Variants in AUH observed in about 807,000 individuals in gnomAD.
AUH encodes methylglutaconyl-CoA hydratase, mitochondrial.
In AUH, 29 loss-of-function variants were observed where a neutral mutation model predicts 42.3. That is an observed-to-expected ratio of 0.69 (90% CI 0.51 to 0.93). The LOEUF (loss-of-function observed/expected upper bound fraction) is 0.93. Among genes scored for constraint, AUH ranks in the 40% least tolerant of loss-of-function variants. AUH has a pLI of 0.00. For missense variants in AUH, 452 were observed against 438.1 expected (o/e 1.03, Z -0.28); for synonymous variants, 174 against 166.4 (o/e 1.05, Z -0.35).
chr9:91,281,883 C>T (rs986543690), intron 6 of AUH, among the ~76,000 whole-genome samples: 1 of 152,136 alleles, frequency 6.6e-6, no homozygotes, highest in Admixed American at 6.6e-5. Context: ...AGGCTTCTTC[C>T]TTCTAACCTG....
intron 6 of AUH, among the ~76,000 whole-genome samples, chr9:91,232,883 C>A (rs938158620): frequency 4.6e-5 from 7 of 152,214 alleles, no homozygotes; most frequent in African/African-American, 1.7e-4. Context: ...AGAGATAATT[C>A]TCTTAAATTA....
chr9:91,250,584 C>T (rs1829071763), intron 6 of AUH, among the ~76,000 whole-genome samples: 1 of 152,048 alleles, frequency 6.6e-6, no homozygotes, highest in South Asian at 2.1e-4. Context: ...TATTTTTTGC[C>T]ACTGCTACAT....
In AUH at chr9:91,281,262, T is replaced by C. The variant is rs568098343; in HGVS notation, c.655+14759A>G. Among the ~76,000 whole-genome samples the C allele has an allele frequency of 5.3e-5, 8 of 152,364 alleles. No homozygotes were observed. The South Asian group carries it at 1.7e-3, about 32-fold the overall frequency. On this transcript the variant is annotated intron_variant, in intron 6 of 9. Transcript: ENST00000375731. ...AATAATAATTTCTATTGCTCTATCT[T>C]CAGATTCACTCACTCTCTCTTTTGT...
rs531591413 is a variant in AUH, at chr9:91,283,222, T to C, written c.655+12799A>G. On this transcript the variant is annotated intron_variant, in intron 6 of 9. Transcript: ENST00000375731. ...ACCAAAGACAAAAACCACATGATTATCTCAATAGATGCAGAAAAGGCCTTT... is the reference window on the plus strand; with the variant it reads ...ACCAAAGACAAAAACCACATGATTACCTCAATAGATGCAGAAAAGGCCTTT... 8.5e-5 allele frequency among the ~76,000 whole-genome samples: 13 copies of C among 152,332 alleles called. No homozygotes were observed. The South Asian group carries it at 2.7e-3, about 32-fold the overall frequency.
At chr9:91,255,430 G>T (rs191730324) in intron 6 of AUH, among the ~76,000 whole-genome samples, 2 of 152,156 alleles carry the variant, frequency 1.3e-5, no homozygotes, top group African/African-American at 2.4e-5. Flanking sequence ...TACTGTTTAC[G>T]TGCTTTTGCT....
At chr9:91,347,477 G>A (rs1831611087) in intron 3 of AUH, among the ~76,000 whole-genome samples, 1 of 152,148 alleles carries the variant, frequency 6.6e-6, no homozygotes, top group South Asian at 2.1e-4. Flanking sequence ...CCCCTCTGGG[G>A]GGAGAGGGTG....
At chr9:91,230,661 A>C (rs904650519) in intron 6 of AUH, among the ~76,000 whole-genome samples, 5 of 151,958 alleles carry the variant, frequency 3.3e-5, no homozygotes, top group Admixed American at 3.3e-4. Flanking sequence ...TTTTCTGTTC[A>C]GTTTTTTCCC....
intron 6 of AUH, among the ~76,000 whole-genome samples, chr9:91,260,836 C>A (rs935804411): frequency 2.0e-5 from 3 of 152,114 alleles, no homozygotes; most frequent in Non-Finnish European, 4.4e-5. Context: ...TTTGTGTACT[C>A]TGGTTTCCAC....
At chr9:91,225,594 T>C (rs759683628) in intron 6 of AUH, among the ~76,000 whole-genome samples, 10 of 151,932 alleles carry the variant, frequency 6.6e-5, no homozygotes, top group Non-Finnish European at 1.5e-4. Context: ...ATGTGCACAT[T>C]GTGCAGGTTA....
chr9:91,306,172 T>C (rs1369285470), intron 4 of AUH, among the ~76,000 whole-genome samples: 1 of 152,176 alleles, frequency 6.6e-6, no homozygotes, highest in African/African-American at 2.4e-5. Context: ...AGTACACGAC[T>C]CTATAGGCTA....
At position 91,348,958 on chromosome 9, in the gene AUH, C is replaced by G. The variant is rs566291354; in HGVS notation, c.418+6925G>C. 2.0e-4 allele frequency among the ~76,000 whole-genome samples: 30 copies of G among 152,056 alleles called. No individual in the cohort carries two copies. In the South Asian group the frequency reaches 6.2e-3, roughly 32 times the overall value. On this transcript the variant is annotated intron_variant, in intron 3 of 9. Transcript: ENST00000375731. ...TATGACAACAACAAAAAAACAAAAC[C>G]CTATATAGCTAAACTAATACAAACT...
chr9:91,260,311 T>C (rs1423303097), intron 6 of AUH, among the ~76,000 whole-genome samples: 1 of 152,206 alleles, frequency 6.6e-6, no homozygotes, highest in Non-Finnish European at 1.5e-5. Flanking sequence ...CTGTATTGTA[T>C]ACAAAATTTA....
intron 3 of AUH, among the ~76,000 whole-genome samples, chr9:91,350,796 T>C (rs1409861392): frequency 1.3e-5 from 2 of 151,898 alleles, no homozygotes. Context: ...AACAACAATT[T>C]AGGAACTCAG....
chr9:91,227,312 C>G (rs963026083), intron 6 of AUH, among the ~76,000 whole-genome samples: 10 of 128,654 alleles, frequency 7.8e-5, no homozygotes, highest in Non-Finnish European at 1.4e-4. Context: ...CTCTTTGAAG[C>G]AATTGTGAAT....
intron 6 of AUH, among the ~76,000 whole-genome samples, chr9:91,237,804 C>T (rs1828278387): frequency 6.6e-6 from 1 of 152,172 alleles, no homozygotes; most frequent in Non-Finnish European, 1.5e-5. Context: ...TACCTTTCCT[C>T]CTCAGACCTT....
In AUH at chr9:91,318,209, A is replaced by G. The variant is rs1829305742; in HGVS notation, c.505+7109T>C. Among the ~76,000 whole-genome samples, 6 of 152,112 alleles carry G rather than the reference A, an allele frequency of 3.9e-5. No individual in the cohort carries two copies. The South Asian group carries it at 1.2e-3, about 32-fold the overall frequency. On this transcript the variant is annotated intron_variant, in intron 4 of 9. Coordinates refer to ENST00000375731, the MANE Select transcript of AUH (RefSeq NM_001698.3). Reference sequence around the variant, plus strand: ...TCTTAAAAGTAAATCTCTATCATCAAAAAACTGGGTCTGGTGCTTTCTCTG... The same window carrying G: ...TCTTAAAAGTAAATCTCTATCATCAGAAAACTGGGTCTGGTGCTTTCTCTG...
intron 3 of AUH, among the ~76,000 whole-genome samples, chr9:91,351,670 GC>G (rs1831998316): frequency 6.6e-6 from 1 of 152,196 alleles, no homozygotes; most frequent in African/African-American, 2.4e-5. Context: ...TACTGCTTGA[GC>G]TCTGCCTCCT....
At chr9:91,298,560 T>C (rs1013678069) in intron 4 of AUH, among the ~76,000 whole-genome samples, 3 of 152,236 alleles carry the variant, frequency 2.0e-5, no homozygotes, top group Non-Finnish European at 4.4e-5. Context: ...GTAGTTGCTG[T>C]GGCATTGGCC....
chr9:91,320,650 C>G (rs904807904), intron 4 of AUH, among the ~76,000 whole-genome samples: 9 of 152,222 alleles, frequency 5.9e-5, no homozygotes, highest in African/African-American at 7.2e-5. Flanking sequence ...GTCTATTAAA[C>G]TCCTTTAAAC....
Sources: gnomAD v4.1 joint callset for allele counts (sites outside exome capture counted in the v4.1 genomes callset) on GRCh38, gnomAD v4.1.1 for gene constraint, MANE v1.5 for transcripts, NCBI Gene and HGNC (gene_info 2026-07-23, HGNC 2026-07-21) for gene names.